Variants in VSIG1 observed in about 807,000 individuals in gnomAD.
VSIG1 encodes V-set and immunoglobulin domain-containing protein 1.
A neutral mutation model predicts 20.1 loss-of-function variants in VSIG1; 11 were observed. That is an observed-to-expected ratio of 0.55 (90% CI 0.34 to 0.91). The LOEUF (loss-of-function observed/expected upper bound fraction) is 0.91, where lower values mean the gene tolerates loss of function less well. Among genes scored for constraint, VSIG1 ranks in the 40% least tolerant of loss-of-function variants. VSIG1 has a pLI of 0.02. For missense variants in VSIG1, 283 were observed against 298.8 expected, an observed-to-expected ratio of 0.95 and a Z score of 0.39; for synonymous variants, 126 against 116.7, an observed-to-expected ratio of 1.08 and a Z score of -0.52.
Position 108,073,381 on chromosome X carries a change from A to G in VSIG1, c.688+12A>G, listed in dbSNP as rs201745853. On this transcript the variant is annotated intron_variant, in intron 5 of 6. Coordinates refer to ENST00000217957, the MANE Select transcript of VSIG1 (RefSeq NM_182607.5). Reference sequence around the variant, plus strand: ...TCTCACTTCTTCACGTGAGTTGACCATACAACTTTAACGGTTTCTCCTTAA... The same window carrying G: ...TCTCACTTCTTCACGTGAGTTGACCGTACAACTTTAACGGTTTCTCCTTAA... 2.5e-5 allele frequency: 30 copies of G among 1,207,118 alleles called. No individual in the cohort carries two copies. Among genetic ancestry groups the G allele is most frequent in the Middle Eastern group, 4.6e-4 (2 of 4,345 alleles).
intron 2 of VSIG1, among the ~76,000 whole-genome samples, chrX:108,062,593 A>T (rs2031049586): frequency 8.9e-6 from 1 of 112,168 alleles, no homozygotes; most frequent in Non-Finnish European, 1.9e-5. Context: ...TTCCAAAAGG[A>T]GCAACTCAAA....
chrX:108,022,129 G>T, the VSIG1 span, among the ~76,000 whole-genome samples: 1,328 of 111,664 alleles, frequency 0.012, 24 homozygotes, highest in African/African-American at 0.041. Context: ...TAAGTCTGTA[G>T]ATCAATTCAA....
At chrX:108,035,880 G>T in the VSIG1 span, among the ~76,000 whole-genome samples, 1 of 107,673 alleles carries the variant, frequency 9.3e-6, no homozygotes, top group Non-Finnish European at 1.9e-5. Context: ...CTTTGGAGCC[G>T]TCCCACCTGG....
intron 1 of VSIG1, among the ~76,000 whole-genome samples, chrX:108,047,999 T>TACAC (rs2030696445): frequency 2.8e-5 from 2 of 70,875 alleles, no homozygotes; most frequent in African/African-American, 1.2e-4. Context: ...TATATATATA[T>TACAC]ATACACATAT....
intron 3 of VSIG1, among the ~76,000 whole-genome samples, 200 bp downstream of exon 3, chrX:108,067,334 C>T (rs1208585592): frequency 1.8e-5 from 2 of 111,505 alleles, no homozygotes; most frequent in Non-Finnish European, 3.8e-5. Context: ...ACATGCAGAA[C>T]AATTGTGCAA....
intron 5 of VSIG1, chrX:108,073,644 G>T (rs2031296052): frequency 1.7e-5 from 4 of 234,992 alleles, no homozygotes; most frequent in Non-Finnish European, 3.0e-5. Flanking sequence ...TACTAAAAAA[G>T]AAGCCTTTCT....
chrX:108,041,245 T>G (rs762275874), upstream of VSIG1, among the ~76,000 whole-genome samples: 1 of 110,218 alleles, frequency 9.1e-6, no homozygotes, highest in African/African-American at 3.3e-5. Flanking sequence ...CTCAGTTTTC[T>G]TATATAGAAA....
the VSIG1 span, among the ~76,000 whole-genome samples, chrX:108,038,575 C>T: frequency 7.1e-5 from 8 of 112,545 alleles, no homozygotes; most frequent in African/African-American, 2.6e-4. Flanking sequence ...TTTATTGCAG[C>T]ACTATTTACA....
At chrX:108,051,116 A>G (rs1461326138) in intron 1 of VSIG1, among the ~76,000 whole-genome samples, 1 of 111,153 alleles carries the variant, frequency 9.0e-6, no homozygotes, top group East Asian at 2.8e-4. Flanking sequence ...AGTGGACAAA[A>G]GAAGCATTTG....
chrX:108,034,365 A>C, the VSIG1 span, among the ~76,000 whole-genome samples: 5 of 111,835 alleles, frequency 4.5e-5, no homozygotes, highest in Non-Finnish European at 3.8e-5. Flanking sequence ...TGTTCCTTTC[A>C]CTTTAAACTA....
rs1162961980 is a variant in VSIG1, at chrX:108,067,054, G to A, written c.332G>A (p.Ser111Asn). 8.3e-7 allele frequency: 1 copy of A among 1,211,634 alleles called. No homozygotes were observed. Among genetic ancestry groups the A allele is most frequent in the Non-Finnish European group, 1.1e-6 (1 of 895,410 alleles). The change falls in exon 3 of 7, where the codon AGT (serine) becomes AAT (asparagine). Residue 111 changes from serine to asparagine, a missense_variant. Physicochemically the swap from Ser to Asn is conservative, Grantham distance 46. Coordinates refer to ENST00000217957, the MANE Select transcript of VSIG1 (RefSeq NM_182607.5). ...ATCTCGCATATGCAGCCAGCAGACA[G>A]TGGAATTTACATCTGCGATGTTAAC... ...ITISHMQPAD[S>N]GIYICDVNNP...
chrX:108,053,400 T>C (rs956664734), intron 1 of VSIG1, among the ~76,000 whole-genome samples: 3 of 111,398 alleles, frequency 2.7e-5, no homozygotes, highest in African/African-American at 9.8e-5. Flanking sequence ...AGTGGTAAAA[T>C]ATTGATATGA....
At chrX:108,074,337 C>A (rs1479572715) in intron 5 of VSIG1, among the ~76,000 whole-genome samples, 1 of 111,452 alleles carries the variant, frequency 9.0e-6, no homozygotes, top group Non-Finnish European at 1.9e-5. Flanking sequence ...CCCTCAATAT[C>A]TTTTTGCCTT....
At chrX:108,020,240 C>G in the VSIG1 span, among the ~76,000 whole-genome samples, 1 of 111,056 alleles carries the variant, frequency 9.0e-6, no homozygotes, top group Non-Finnish European at 1.9e-5. Flanking sequence ...TTTCAAATAG[C>G]CTGTCTTTGA....
Position 108,077,081 on chromosome X carries a change from C to T in VSIG1, c.864C>T (p.Ser288=), listed in dbSNP as rs200336582. 41 of 1,208,565 alleles carry T rather than the reference C, an allele frequency of 3.4e-5. 1 individual carries two copies. In the Admixed American group the frequency reaches 4.0e-4, roughly 12 times the overall value. Residue 288 remains serine, a synonymous_variant, in exon 7 of 7, where the codon AGC becomes AGT. Transcript: ENST00000217957. Reference sequence around the variant, plus strand: ...CAAAGATAAACCCAAGGGGAGAAAGCGAAGCAATGCCAAGAGAAGACGCTA... The same window carrying T: ...CAAAGATAAACCCAAGGGGAGAAAGTGAAGCAATGCCAAGAGAAGACGCTA... ...PMTKINPRGE[S]EAMPREDATQ...
the VSIG1 span, among the ~76,000 whole-genome samples, chrX:108,033,261 T>C: frequency 8.9e-6 from 1 of 112,404 alleles, no homozygotes; most frequent in Non-Finnish European, 1.9e-5. Flanking sequence ...CATGTTCTAC[T>C]CTCTGCTCTG....
chrX:108,072,793 C>G lies in VSIG1; in HGVS notation c.529C>G (p.Leu177Val). 1.7e-6 allele frequency: 2 copies of G among 1,211,128 alleles called. No individual in the cohort carries two copies. Among genetic ancestry groups the G allele is most frequent in the African/African-American group, 1.7e-5 (1 of 57,565 alleles). Residue 177 changes from leucine to valine, a missense_variant, in exon 4 of 7, where the codon CTT becomes GTT. By Grantham distance (32) the Leu-to-Val change is conservative (BLOSUM62 1). Coordinates refer to ENST00000217957, the MANE Select transcript of VSIG1 (RefSeq NM_182607.5). ...TPSPVYYWHK[L>V]EGRDIVPVKE... ...TTCCCCTGTGTACTACTGGCATAAACTTGAGGGAAGAGACATCGTGCCAGT... is the reference window on the plus strand; with the variant it reads ...TTCCCCTGTGTACTACTGGCATAAAGTTGAGGGAAGAGACATCGTGCCAGT...
At chrX:108,048,161 G>A (rs1602565200) in intron 1 of VSIG1, among the ~76,000 whole-genome samples, 1 of 104,703 alleles carries the variant, frequency 9.6e-6, no homozygotes, top group Non-Finnish European at 1.9e-5. Context: ...GCACCACCAC[G>A]CCCGGCTAAT....
the VSIG1 span, among the ~76,000 whole-genome samples, chrX:108,029,982 T>G: frequency 1.8e-5 from 2 of 112,162 alleles, no homozygotes; most frequent in African/African-American, 6.5e-5. Context: ...GATTGGAAAC[T>G]TTCTGAATTG....
Sources: gnomAD v4.1 joint callset for allele counts (sites outside exome capture counted in the v4.1 genomes callset) on GRCh38, gnomAD v4.1.1 for gene constraint, MANE v1.5 for transcripts, NCBI Gene and HGNC (gene_info 2026-07-23, HGNC 2026-07-21) for gene names.